Variants in FBLN5 observed in about 807,000 individuals in gnomAD.
FBLN5 encodes the protein fibulin 5, also known as fibulin-5.
Under a neutral mutation model 61.6 loss-of-function variants are expected in FBLN5, and 24 were observed. The observed-to-expected ratio is 0.39, with a 90% CI of 0.28 to 0.55. The LOEUF (loss-of-function observed/expected upper bound fraction) is 0.55. Ranked by LOEUF, FBLN5 falls within the 20% of genes least tolerant of loss-of-function variation. The pLI is 0.65. For missense variants in FBLN5, 470 were observed against 594.1 expected, an observed-to-expected ratio of 0.79 and a Z score of 2.17; for synonymous variants, 213 against 219.8, an observed-to-expected ratio of 0.97 and a Z score of 0.27.
intron 3 of FBLN5, among the ~76,000 whole-genome samples, chr14:91,937,772 A>G (rs918732332): frequency 5.5e-4 from 83 of 152,262 alleles, no homozygotes; most frequent in African/African-American, 1.9e-3. Context: ...AGCTTCCACA[A>G]TTGTAAGAAA....
intron 4 of FBLN5, among the ~76,000 whole-genome samples, chr14:91,895,848 T>G (rs111994268): frequency 6.8e-6 from 1 of 147,246 alleles, no homozygotes; most frequent in African/African-American, 2.5e-5. Flanking sequence ...AAGCTGGCAG[T>G]CCAGTTGCTT....
chr14:91,883,220 A>G, intron 7 of FBLN5, 144 bp from the exon 8 acceptor site: 1 of 855,612 alleles, frequency 1.2e-6, no homozygotes. Flanking sequence ...CTTCTCCAGC[A>G]CTTCTAGCAA....
chr14:91,900,565 A>G (rs1230534081), intron 4 of FBLN5, among the ~76,000 whole-genome samples: 1 of 152,226 alleles, frequency 6.6e-6, no homozygotes, highest in Non-Finnish European at 1.5e-5. Flanking sequence ...AAAATACACC[A>G]AAGGGCTGAG....
Position 91,881,400 on chromosome 14 carries a change from T to G in FBLN5, c.881A>C (p.His294Pro). 1 of 1,614,226 alleles carries G rather than the reference T, an allele frequency of 6.2e-7. No individual in the cohort carries two copies. The highest frequency in any genetic ancestry group is 8.5e-7 in the Non-Finnish European group (1 of 1,180,036). ...CTGCAGGTTGCACGTGTGGTTCCTGTGCTCACATTCGTTGATGTCTGAAAT... is the reference window on the plus strand; with the variant it reads ...CTGCAGGTTGCACGTGTGGTTCCTGGGCTCACATTCGTTGATGTCTGAAAT... ...RSCQDINECE[H>P]RNHTCNLQQT... The change falls in exon 9 of 11, where the codon CAC becomes CCC. Residue 294 changes from histidine (H) to proline (P), a missense_variant. Coordinates refer to ENST00000342058, the MANE Select transcript of FBLN5 (RefSeq NM_006329.4).
chr14:91,877,673 CATA>C lies in FBLN5; in HGVS notation c.996_998del (p.Cys332_Met333delinsTrp). 1 of 1,613,964 alleles carries C rather than the reference CATA, an allele frequency of 6.2e-7. No individual in the cohort carries two copies. Among genetic ancestry groups the C allele is most frequent in the South Asian group, 1.1e-5 (1 of 91,078 alleles). The stretch of plus-strand genomic sequence containing the variant: ...TGCAGCCAGGGTTCTCAGCAGGACA[CATA>C]CAGCGGCTGTGGAAAGGGAAATCAC... On this transcript the variant is annotated inframe_deletion, in exon 10 of 11. Transcript: ENST00000342058.
chr14:91,904,067 G>A (rs982553708), intron 4 of FBLN5, among the ~76,000 whole-genome samples: 1 of 152,178 alleles, frequency 6.6e-6, no homozygotes, highest in Admixed American at 6.5e-5. Context: ...TATGGGCAAA[G>A]CACATCTAGT....
intron 2 of FBLN5, chr14:91,942,253 C>G: frequency 2.2e-6 from 1 of 450,196 alleles, no homozygotes; most frequent in East Asian, 7.0e-5. Flanking sequence ...CTCACCCACC[C>G]CCTTCTTACT....
intron 10 of FBLN5, among the ~76,000 whole-genome samples, chr14:91,870,960 C>T (rs1273555052): frequency 6.6e-6 from 1 of 152,024 alleles, no homozygotes; most frequent in Non-Finnish European, 1.5e-5. Context: ...TGAGTACATA[C>T]ACATGGACAC....
intron 10 of FBLN5, among the ~76,000 whole-genome samples, chr14:91,873,011 A>T (rs140138876): frequency 6.6e-6 from 1 of 152,278 alleles, no homozygotes; most frequent in African/African-American, 2.4e-5. Context: ...TCTCCTGAGT[A>T]CGAAAGAATC....
At position 91,947,249 on chromosome 14, in the gene FBLN5, G is replaced by T. The variant is rs2056199508; in HGVS notation, c.-20C>A. 1 of 1,614,008 alleles carries T rather than the reference G, an allele frequency of 6.2e-7. No individual in the cohort carries two copies. The highest frequency in any genetic ancestry group is 1.1e-5 in the South Asian group (1 of 91,080). On this transcript the variant is annotated 5_prime_UTR_variant, in exon 1 of 11. Transcript: ENST00000342058. This position sits in a 1 kb window ranked among gnomAD's most constrained non-coding sequence, Gnocchi z 4.3. ...TGGCATGTCCAAGACGCGCGAGGAG[G>T]AGATGCGAAGGCGAGAAGAAAGCTC...
intron 4 of FBLN5, among the ~76,000 whole-genome samples, chr14:91,929,740 C>T (rs935484154): frequency 1.3e-5 from 2 of 152,204 alleles, no homozygotes. Context: ...ACAGTTCTGT[C>T]GAAAAATAGA....
rs192955032 is a variant in FBLN5, at chr14:91,943,544, A to G, written c.18-583T>C. Among the ~76,000 whole-genome samples, 25 of 151,454 alleles carry G rather than the reference A, an allele frequency of 1.7e-4. 1 individual carries two copies. The highest frequency in any genetic ancestry group is 1.3e-3 in the Admixed American group (20 of 15,194). On this transcript the variant is annotated intron_variant, in intron 1 of 10. Transcript: ENST00000342058. The surrounding 1 kb of genome is among the most constrained non-coding windows in gnomAD (Gnocchi z 4.0). ...CCCAAAAAAGCTAAAACCTCCCACTATGGTATTAACCAGTTCCTTGGTCTT... is the reference window on the plus strand; with the variant it reads ...CCCAAAAAAGCTAAAACCTCCCACTGTGGTATTAACCAGTTCCTTGGTCTT...
intron 8 of FBLN5, 137 bp from the exon 9 acceptor site, chr14:91,881,555 G>A (rs1889470476): frequency 2.2e-6 from 2 of 921,740 alleles, no homozygotes; most frequent in Non-Finnish European, 3.5e-6. Context: ...TGGCTACTGA[G>A]TACTTGGAAT....
rs767140691 is a variant in FBLN5, at chr14:91,869,665, T to G, written c.*559A>C. On this transcript the variant is annotated 3_prime_UTR_variant, in exon 11 of 11. Transcript: ENST00000342058. ...ATACAAATTTAAGGACAACTGAAAC[T>G]TCTTTTATGGTTGAAAATACCAGGC... 1.9e-5 allele frequency: 3 copies of G among 160,488 alleles called. No individual in the cohort carries two copies. The highest frequency in any genetic ancestry group is 4.1e-5 in the Non-Finnish European group (3 of 72,548). 9.9% of individuals were successfully genotyped at this position (160,488 alleles called of 1,614,324 possible). A position where few individuals can be genotyped will look rare whatever the true frequency, so the allele number is the denominator to read the frequency against.
chr14:91,890,763 A>G (rs1168467138), intron 6 of FBLN5, among the ~76,000 whole-genome samples: 3 of 152,170 alleles, frequency 2.0e-5, no homozygotes, highest in Non-Finnish European at 4.4e-5. Context: ...AAAGTATAGC[A>G]AGAGACCTCA....
intron 4 of FBLN5, among the ~76,000 whole-genome samples, chr14:91,931,418 G>A (rs2055921393): frequency 1.3e-5 from 2 of 152,326 alleles, no homozygotes; most frequent in East Asian, 1.9e-4. Context: ...TTGGTTGACT[G>A]AAGAAGTACT....
At chr14:91,922,314 GTAAATAAATAAATAAATAAA>G (rs3031542) in intron 4 of FBLN5, among the ~76,000 whole-genome samples, 42 of 143,542 alleles carry the variant, frequency 2.9e-4, no homozygotes, top group East Asian at 8.1e-4. Context: ...TAATAATAAA[GTAAATAAATAAATAAATAAA>G]TAAATAAATA....
chr14:91,891,595 A>T (rs962760767), intron 5 of FBLN5, among the ~76,000 whole-genome samples: 7 of 152,152 alleles, frequency 4.6e-5, no homozygotes, highest in African/African-American at 1.7e-4. Context: ...AAGTTGCAGA[A>T]GAAATTTCTG....
At chr14:91,884,989 A>G (rs1467811686) in intron 7 of FBLN5, among the ~76,000 whole-genome samples, 1 of 152,226 alleles carries the variant, frequency 6.6e-6, no homozygotes, top group Non-Finnish European at 1.5e-5. Flanking sequence ...GTTTCCAGGA[A>G]CAGCTCAGCT....
Sources: gnomAD v4.1 joint callset for allele counts (sites outside exome capture counted in the v4.1 genomes callset) on GRCh38, gnomAD v4.1.1 for gene constraint, Gnocchi (gnomAD v3.1) non-coding constraint, MANE v1.5 for transcripts, NCBI Gene and HGNC (gene_info 2026-07-23, HGNC 2026-07-21) for gene names.